Variants in PTPRE observed in about 807,000 individuals in gnomAD.
PTPRE encodes the protein receptor-type tyrosine-protein phosphatase epsilon.
Under a neutral mutation model 102.0 loss-of-function variants are expected in PTPRE, and 51 were observed. The ratio of observed to expected loss-of-function variants is 0.50; its 90% confidence interval spans 0.40 to 0.63. The LOEUF is 0.63. PTPRE is among the 30% of genes least tolerant of loss of function. PTPRE has a pLI of 0.00. For missense variants in PTPRE, 752 were observed against 915.1 expected, an observed-to-expected ratio of 0.82 and a Z score of 2.30; for synonymous variants, 345 against 348.2, an observed-to-expected ratio of 0.99 and a Z score of 0.10.
At chr10:128,067,998 G>T (rs556181854) in intron 11 of PTPRE, 125 bp from the exon 12 acceptor site, 63 of 1,098,188 alleles carry the variant, frequency 5.7e-5, no homozygotes, top group Admixed American at 3.7e-4. Flanking sequence ...GGCCCTCTGT[G>T]GATGGGCCCC....
chr10:127,961,462 C>A (rs1589840047), intron 1 of PTPRE, among the ~76,000 whole-genome samples: 1 of 152,110 alleles, frequency 6.6e-6, no homozygotes, highest in Non-Finnish European at 1.5e-5. Context: ...GTGGCCTGGG[C>A]TCTTCTCTCC....
rs1850662056 is a variant in PTPRE at position 128,070,374 on chromosome 10, C to T, written c.1217C>T (p.Ser406Phe). 3 of 1,614,066 alleles carry T rather than the reference C, an allele frequency of 1.9e-6. No individual in the cohort carries two copies. Among genetic ancestry groups the T allele is most frequent in the Non-Finnish European group, 2.5e-6 (3 of 1,180,040 alleles). The change falls in exon 14 of 21, where the codon TCC becomes TTC. Residue 406 changes from serine to phenylalanine, a missense_variant. Ser to Phe is a radical substitution (Grantham distance 155). This residue lies in a region of PTPRE where 636 missense variants were observed against 824.4 expected (regional missense o/e 0.77). Transcript: ENST00000254667. This position sits in a 1 kb window ranked among gnomAD's most constrained non-coding sequence, Gnocchi z 4.8. The stretch of plus-strand genomic sequence containing the variant: ...GGGGACACAGAGCTGGACGTGTCCT[C>T]CCTGGAGAAGCACCTGCAGACCATG... Reference protein sequence around the residue: ...LYGDTELDVSSLEKHLQTMHG... With the variant: ...LYGDTELDVSFLEKHLQTMHG...
chr10:128,047,193 G>A (rs576307914), intron 3 of PTPRE, among the ~76,000 whole-genome samples, 197 bp from the exon 4 acceptor site: 25 of 152,300 alleles, frequency 1.6e-4, no homozygotes, highest in African/African-American at 5.5e-4. Flanking sequence ...CCTCAGTCCC[G>A]GATTCTTTCT....
In PTPRE at chr10:128,072,204, C is replaced by A. The variant is rs1441718632; in HGVS notation, c.1454C>A (p.Ser485Tyr). The change falls in exon 16 of 21, where the codon TCC (serine) becomes TAC (tyrosine). Residue 485 changes from serine to tyrosine, a missense_variant. Physicochemically the swap from Ser to Tyr is moderately radical, Grantham distance 144. This residue lies in a region of PTPRE where 636 missense variants were observed against 824.4 expected (regional missense o/e 0.77). Transcript: ENST00000254667. Reference sequence around the variant, plus strand: ...GAATACACAGACTACATCAACGCATCCTTCATAGACGTACGTATGCTGGCC... The same window carrying A: ...GAATACACAGACTACATCAACGCATACTTCATAGACGTACGTATGCTGGCC... ...GQEYTDYINA[S>Y]FIDGYRQKDY... 6.2e-7 allele frequency: 1 copy of A among 1,613,568 alleles called. No individual in the cohort carries two copies.
intron 2 of PTPRE, among the ~76,000 whole-genome samples, chr10:128,002,867 T>C (rs1854113185): frequency 6.6e-6 from 1 of 151,912 alleles, no homozygotes; most frequent in Non-Finnish European, 1.5e-5. Context: ...CTAATTATTT[T>C]TATTTTTTGT....
At position 127,936,839 on chromosome 10, in the gene PTPRE, G is replaced by A. The variant is rs572060293; in HGVS notation, c.-31+29530G>A. Among the ~76,000 whole-genome samples the A allele has an allele frequency of 7.7e-4, 117 of 152,184 alleles. 2 individuals carry two copies. In the South Asian group the frequency reaches 0.022, roughly 29 times the overall value. On this transcript the variant is annotated intron_variant, in intron 1 of 20. Coordinates refer to ENST00000254667, the MANE Select transcript of PTPRE (RefSeq NM_006504.6). ...GACTCACTGAATATTTAGTACCATC[G>A]TCCCCTGGAGGATGGTCTAGTTGGC...
chr10:128,019,133 G>A (rs1438579477), intron 2 of PTPRE, among the ~76,000 whole-genome samples: 1 of 152,204 alleles, frequency 6.6e-6, no homozygotes, highest in East Asian at 1.9e-4. Context: ...TCCCCTCCCA[G>A]CCCCAGACAG....
chr10:128,071,545 G>A (rs41282872), intron 15 of PTPRE: 4,428 of 154,834 alleles, frequency 0.029, 99 homozygotes, highest in Non-Finnish European at 0.046. Context: ...GGGAAAAAGA[G>A]AAACTTGAGA....
At chr10:128,065,937 C>T in intron 10 of PTPRE, 138 bp from the exon 11 acceptor site, 1 of 1,273,842 alleles carries the variant, frequency 7.9e-7, no homozygotes. Flanking sequence ...GAGGTCGACA[C>T]ACGTGAACTT....
intron 7 of PTPRE, among the ~76,000 whole-genome samples, chr10:128,058,344 G>A (rs1849193368): frequency 1.3e-5 from 2 of 152,218 alleles, no homozygotes; most frequent in Non-Finnish European, 2.9e-5. Context: ...TTGTGCTGCT[G>A]GAGTCAGTTG....
In PTPRE at chr10:127,984,169, C is replaced by T. The variant is rs577021083; in HGVS notation, c.-8+1873C>T. 3.3e-5 allele frequency among the ~76,000 whole-genome samples: 5 copies of T among 150,994 alleles called. No individual in the cohort carries two copies. The East Asian group carries it at 7.8e-4, about 24-fold the overall frequency. On this transcript the variant is annotated intron_variant, in intron 2 of 20. Transcript: ENST00000254667. ...TGATCTCGGCTCACTGCAACCTCTG[C>T]CTCCCGGGTTCAAGCGATTCTCCTG...
At chr10:128,071,933 G>A (rs1001379766) in intron 15 of PTPRE, 3 of 535,656 alleles carry the variant, frequency 5.6e-6, no homozygotes, top group African/African-American at 3.8e-5. Flanking sequence ...TGATAATTGG[G>A]TGGTTTTCAG....
chr10:128,044,009 A>G (rs763696538), intron 3 of PTPRE, among the ~76,000 whole-genome samples: 8 of 152,238 alleles, frequency 5.3e-5, no homozygotes, highest in African/African-American at 1.2e-4. Flanking sequence ...TAAAATAACG[A>G]TACTTTTTAC....
At position 128,078,517 on chromosome 10, in the gene PTPRE, G is replaced by A. The variant is rs959977444; in HGVS notation, c.1892+734G>A. On this transcript the variant is annotated intron_variant, in intron 19 of 20. Coordinates refer to ENST00000254667, the MANE Select transcript of PTPRE (RefSeq NM_006504.6). The stretch of plus-strand genomic sequence containing the variant: ...TGGGGTGTTTCTATCCTTGGGTGGT[G>A]CTAATGTGCTCCTGAAACTGCAGTT... Among the ~76,000 whole-genome samples, 5 of 152,318 alleles carry A rather than the reference G, an allele frequency of 3.3e-5. No homozygotes were observed. In the East Asian group the frequency reaches 7.7e-4, roughly 24 times the overall value.
chr10:128,068,601 C>A (rs1018724708), intron 12 of PTPRE: 3 of 214,272 alleles, frequency 1.4e-5, no homozygotes, highest in Non-Finnish European at 2.8e-5. Context: ...CCTCTGGGAA[C>A]CAAGATGGAA....
At chr10:127,990,339 G>C (rs935905554) in intron 2 of PTPRE, among the ~76,000 whole-genome samples, 1 of 149,346 alleles carries the variant, frequency 6.7e-6, no homozygotes, top group African/African-American at 2.5e-5. Context: ...TTGAACCCAG[G>C]AGGCGGAGGT....
At chr10:127,909,373 G>C (rs911620626) in intron 1 of PTPRE, among the ~76,000 whole-genome samples, 1 of 152,110 alleles carries the variant, frequency 6.6e-6, no homozygotes, top group Non-Finnish European at 1.5e-5. Flanking sequence ...TCCCAGCTGT[G>C]CCTCAGTGGG....
intron 6 of PTPRE, among the ~76,000 whole-genome samples, chr10:128,054,943 C>T (rs1056217624): frequency 1.3e-5 from 2 of 152,138 alleles, no homozygotes; most frequent in African/African-American, 4.8e-5. Context: ...CTGGGTGCCG[C>T]TCTAGGCTCC....
intron 5 of PTPRE, among the ~76,000 whole-genome samples, chr10:128,048,692 C>G (rs1425653257): frequency 1.3e-5 from 2 of 152,122 alleles, no homozygotes; most frequent in Non-Finnish European, 2.9e-5. Flanking sequence ...GTTTCAATAG[C>G]AGGAACGGAA....
Sources: allele counts gnomAD v4.1 joint callset (sites outside exome capture counted in the v4.1 genomes callset), GRCh38; gene constraint gnomAD v4.1.1; regional missense constraint gnomAD v4.1.1; non-coding constraint Gnocchi (gnomAD v3.1); transcripts MANE v1.5; gene names NCBI Gene and HGNC (gene_info 2026-07-23, HGNC 2026-07-21).